Variants in ARFGEF1 observed in about 807,000 individuals in gnomAD.
The protein encoded by ARFGEF1 is brefeldin A-inhibited guanine nucleotide-exchange protein 1.
Under a neutral mutation model 231.0 loss-of-function variants are expected in ARFGEF1, and 42 were observed. The observed-to-expected ratio is 0.18, with a 90% CI of 0.14 to 0.24. The LOEUF (loss-of-function observed/expected upper bound fraction) is 0.24. Among genes scored for constraint, ARFGEF1 ranks in the 10% least tolerant of loss-of-function variants. The probability of loss-of-function intolerance (pLI) is 1.00; values close to 1 mark genes in which losing one functional copy is unlikely to be tolerated. For missense variants in ARFGEF1, 1,345 were observed against 2,192.0 expected (o/e 0.61, Z 7.72); for synonymous variants, 710 against 732.3 (o/e 0.97, Z 0.49).
At position 67,201,438 on chromosome 8, in the gene ARFGEF1, C is replaced by A; in HGVS notation, c.5267+29G>T. On this transcript the variant is annotated intron_variant, in intron 37 of 38. Coordinates refer to ENST00000262215, the MANE Select transcript of ARFGEF1 (RefSeq NM_006421.5). ...GCCCGGCACCACGTGGCTACCTGGTCAGAGATGGAAATCAGTCAAAAGTCT... is the reference window on the plus strand; with the variant it reads ...GCCCGGCACCACGTGGCTACCTGGTAAGAGATGGAAATCAGTCAAAAGTCT... The A allele has an allele frequency of 3.1e-6, 5 of 1,592,094 alleles. No individual in the cohort carries two copies. In the South Asian group the frequency reaches 4.6e-5, roughly 15 times the overall value.
chr8:67,266,716 T>C (rs1229784702), intron 13 of ARFGEF1, among the ~76,000 whole-genome samples, 160 bp downstream of exon 13: 1 of 152,190 alleles, frequency 6.6e-6, no homozygotes, highest in African/African-American at 2.4e-5. Context: ...GTTAAAAATC[T>C]CACAATTTTA....
At chr8:67,329,145 G>A (rs900528996) in intron 1 of ARFGEF1, among the ~76,000 whole-genome samples, 6 of 152,184 alleles carry the variant, frequency 3.9e-5, no homozygotes, top group Non-Finnish European at 7.4e-5. Flanking sequence ...AGAATCACTT[G>A]AACTCGAGAG....
intron 38 of ARFGEF1, chr8:67,199,803 T>C: frequency 6.0e-6 from 1 of 166,896 alleles, no homozygotes; most frequent in South Asian, 1.5e-4. Flanking sequence ...AGCCTGTATG[T>C]GTGAGCTGTA....
Position 67,232,963 on chromosome 8 carries a change from A to T in ARFGEF1, c.3290-18T>A, listed in dbSNP as rs769570546. On this transcript the variant is annotated intron_variant, in intron 22 of 38. Transcript: ENST00000262215. ...TCCTCCAACTACCACACATAAAAAA[A>T]AGTCATTTCAGTTTGAAAATAATTC... is the stretch of plus-strand genomic sequence containing the variant. The T allele has an allele frequency of 6.3e-7, 1 of 1,581,274 alleles. No individual in the cohort carries two copies. Among genetic ancestry groups the T allele is most frequent in the Non-Finnish European group, 8.6e-7 (1 of 1,156,508 alleles).
At chr8:67,193,410 T>C (rs555059215), downstream of ARFGEF1, 15 of 1,540,262 alleles carry the variant, frequency 9.7e-6, no homozygotes, top group African/African-American at 1.4e-4. Flanking sequence ...ATTCACTGAT[T>C]TGTGAACATA....
At chr8:67,294,742 T>C (rs1049189450) in intron 5 of ARFGEF1, among the ~76,000 whole-genome samples, 1 of 152,200 alleles carries the variant, frequency 6.6e-6, no homozygotes, top group African/African-American at 2.4e-5. Flanking sequence ...GGTGTAGGAA[T>C]TGAGTGGGAC....
Position 67,257,713 on chromosome 8 carries a change from G to C in ARFGEF1, c.2526+19C>G. ...ATTTTGTACCGCTTATTGTAAAACT[G>C]ACTTAAAAGAAAACATACCTGTGGA... On this transcript the variant is annotated intron_variant, in intron 17 of 38. Coordinates refer to ENST00000262215, the MANE Select transcript of ARFGEF1 (RefSeq NM_006421.5). The C allele has an allele frequency of 1.9e-6, 3 of 1,544,004 alleles. No individual in the cohort carries two copies. In the Middle Eastern group the frequency reaches 5.1e-4, roughly 262 times the overall value.
Position 67,228,209 on chromosome 8 carries a change from A to G in ARFGEF1, c.3421+15T>C, listed in dbSNP as rs1210647568. The stretch of plus-strand genomic sequence containing the variant: ...CCCAAGCCAGTTCCGAAGTAGAATA[A>G]ATGCCCATACTTACCAATGGCATTT... On this transcript the variant is annotated intron_variant, in intron 24 of 38. Transcript: ENST00000262215. The G allele has an allele frequency of 2.5e-6, 4 of 1,610,242 alleles. No individual in the cohort carries two copies. Among genetic ancestry groups the G allele is most frequent in the Non-Finnish European group, 2.5e-6 (3 of 1,178,282 alleles).
At chr8:67,228,664 G>T (rs990239000) in intron 23 of ARFGEF1, among the ~76,000 whole-genome samples, 1 of 151,938 alleles carries the variant, frequency 6.6e-6, no homozygotes, top group African/African-American at 2.4e-5. Flanking sequence ...AAAATTTGAC[G>T]TATTTTTACC....
At chr8:67,294,805 T>G (rs2128911376) in intron 5 of ARFGEF1, among the ~76,000 whole-genome samples, 1 of 152,284 alleles carries the variant, frequency 6.6e-6, no homozygotes, top group East Asian at 1.9e-4. Context: ...CTGAGAGGCC[T>G]AGAAGCAATA....
chr8:67,226,523 T>C (rs1406898109), intron 27 of ARFGEF1, among the ~76,000 whole-genome samples: 1 of 152,098 alleles, frequency 6.6e-6, no homozygotes, highest in Non-Finnish European at 1.5e-5. Flanking sequence ...ATAATAATAA[T>C]ATACACAGAT....
intron 15 of ARFGEF1, among the ~76,000 whole-genome samples, chr8:67,258,808 AAGC>A (rs1840546676): frequency 7.4e-6 from 1 of 135,464 alleles, no homozygotes; most frequent in Non-Finnish European, 1.5e-5. Context: ...AAAATTTAAA[AAGC>A]AGATTTTACA....
chr8:67,328,393 G>A (rs77827080), intron 1 of ARFGEF1, among the ~76,000 whole-genome samples: 2,474 of 152,040 alleles, frequency 0.016, 70 homozygotes, highest in African/African-American at 0.057. Flanking sequence ...TTTTTACATC[G>A]AGTATTTTTC....
chr8:67,242,232 T>C, intron 19 of ARFGEF1, among the ~76,000 whole-genome samples: 1 of 152,094 alleles, frequency 6.6e-6, no homozygotes, highest in East Asian at 1.9e-4. Context: ...AGACACCAGC[T>C]AGAGTGGCTA....
intron 34 of ARFGEF1, among the ~76,000 whole-genome samples, chr8:67,210,591 T>C (rs1213640598): frequency 1.3e-5 from 2 of 152,134 alleles, no homozygotes; most frequent in Non-Finnish European, 1.5e-5. Flanking sequence ...GGCCCTACTT[T>C]TGCAGACAGA....
At chr8:67,341,873 T>C (rs1257412475) in intron 1 of ARFGEF1, among the ~76,000 whole-genome samples, 1 of 152,152 alleles carries the variant, frequency 6.6e-6, no homozygotes, top group East Asian at 1.9e-4. Flanking sequence ...GGTGAAAAAA[T>C]AATCTTAAGC....
chr8:67,324,274 CTGAG>C (rs909262852), intron 1 of ARFGEF1, among the ~76,000 whole-genome samples: 3 of 152,182 alleles, frequency 2.0e-5, no homozygotes, highest in Non-Finnish European at 4.4e-5. Flanking sequence ...AGCTTGGCAA[CTGAG>C]TGAGACTCTG....
intron 1 of ARFGEF1, among the ~76,000 whole-genome samples, chr8:67,328,905 T>G (rs543399352): frequency 5.3e-5 from 8 of 152,200 alleles, no homozygotes; most frequent in African/African-American, 1.9e-4. Context: ...AAAAAAGGAA[T>G]GGAAATACTG....
chr8:67,217,739 C>T lies in ARFGEF1; in HGVS notation c.4613+43G>A. 1.9e-6 allele frequency: 3 copies of T among 1,589,724 alleles called. No homozygotes were observed. The South Asian group carries it at 3.3e-5, about 18-fold the overall frequency. On this transcript the variant is annotated intron_variant, in intron 32 of 38. Coordinates refer to ENST00000262215, the MANE Select transcript of ARFGEF1 (RefSeq NM_006421.5). ...ATCACTAGTCACTCTCCAACTCATT[C>T]AATATACAAATATAAATGTAAAGTT...
Sources: gnomAD v4.1 joint callset for allele counts (sites outside exome capture counted in the v4.1 genomes callset) on GRCh38, gnomAD v4.1.1 for gene constraint, MANE v1.5 for transcripts, NCBI Gene and HGNC (gene_info 2026-07-23, HGNC 2026-07-21) for gene names.